CSMD3: variants seen among roughly 807,000 people sequenced by gnomAD.
CSMD3 encodes CUB and Sushi multiple domains 3, also known as CUB and sushi domain-containing protein 3.
A neutral mutation model predicts 435.2 loss-of-function variants in CSMD3; 177 were observed. The observed-to-expected ratio is 0.41, with a 90% CI of 0.36 to 0.46. CSMD3 has a LOEUF of 0.46. Among genes scored for constraint, CSMD3 ranks in the 20% least tolerant of loss-of-function variants. The pLI, the probability that CSMD3 is intolerant of heterozygous loss-of-function variation, is 0.34. For synonymous variants in CSMD3, 1,656 were observed against 1,520.5 expected, an observed-to-expected ratio of 1.09 and a Z score of -2.07; for missense variants, 4,265 against 4,504.6, an observed-to-expected ratio of 0.95 and a Z score of 1.52.
chr8:112,761,041 A>C (rs1308303718), intron 13 of CSMD3, among the ~76,000 whole-genome samples: 1 of 152,178 alleles, frequency 6.6e-6, no homozygotes, highest in African/African-American at 2.4e-5. Context: ...AGACTGATTA[A>C]GAGTTCACTT....
Position 112,449,605 on chromosome 8 carries a change from A to G in CSMD3, c.5395+22986T>C, listed in dbSNP as rs2130582228. Reference sequence around the variant, plus strand: ...ATTCCTTTGAATTTTCTAATGTGCAATCATATCATGTACAACATTTTGCTA... The same window carrying G: ...ATTCCTTTGAATTTTCTAATGTGCAGTCATATCATGTACAACATTTTGCTA... On this transcript the variant is annotated intron_variant, in intron 32 of 70. Coordinates refer to ENST00000297405, the MANE Select transcript of CSMD3 (RefSeq NM_198123.2). Among the ~76,000 whole-genome samples the G allele has an allele frequency of 1.3e-5, 2 of 152,292 alleles. 1 individual carries two copies. Among genetic ancestry groups the G allele is most frequent in the South Asian group, 4.1e-4 (2 of 4,830 alleles).
chr8:112,527,923 C>T (rs1166751123), intron 27 of CSMD3, among the ~76,000 whole-genome samples: 1 of 152,080 alleles, frequency 6.6e-6, no homozygotes, highest in Non-Finnish European at 1.5e-5. Context: ...GCTAAGGGAG[C>T]TGGCATATTA....
intron 11 of CSMD3, among the ~76,000 whole-genome samples, chr8:112,835,710 G>A (rs2080003510): frequency 6.6e-6 from 1 of 151,882 alleles, no homozygotes; most frequent in African/African-American, 2.4e-5. Flanking sequence ...CAGAAACACA[G>A]TTTCAGGGGC....
intron 3 of CSMD3, among the ~76,000 whole-genome samples, chr8:113,275,234 C>T (rs188623193): frequency 6.6e-6 from 1 of 152,176 alleles, no homozygotes; most frequent in Admixed American, 6.6e-5. Flanking sequence ...GATTTAGATA[C>T]ATTAAGTATC....
chr8:113,120,292 TAAC>T (rs941547651), intron 4 of CSMD3, among the ~76,000 whole-genome samples: 3 of 152,120 alleles, frequency 2.0e-5, no homozygotes, highest in Admixed American at 6.6e-5. Flanking sequence ...TTCATTTCAT[TAAC>T]AACTGTAATC....
At chr8:113,066,002 A>C (rs2088837684) in intron 5 of CSMD3, among the ~76,000 whole-genome samples, 1 of 151,444 alleles carries the variant, frequency 6.6e-6, no homozygotes, top group African/African-American at 2.4e-5. Context: ...TGCTTTATAC[A>C]GTGATAAATA....
chr8:112,529,939 T>G (rs977697727), intron 27 of CSMD3, among the ~76,000 whole-genome samples: 1 of 151,666 alleles, frequency 6.6e-6, no homozygotes, highest in Non-Finnish European at 1.5e-5. Context: ...ATGAACAAAA[T>G]GAGAATTCCA....
chr8:113,255,609 T>C (rs1012141478), intron 3 of CSMD3, among the ~76,000 whole-genome samples: 5 of 152,026 alleles, frequency 3.3e-5, no homozygotes, highest in Non-Finnish European at 7.4e-5. Context: ...AGCCTTGAAT[T>C]GTTACTTTAT....
Position 113,337,351 on chromosome 8 carries a change from C to T in CSMD3, c.179-22558G>A, listed in dbSNP as rs76159754. 5.1e-3 allele frequency among the ~76,000 whole-genome samples: 781 copies of T among 152,036 alleles called. 12 individuals carry two copies. The highest frequency in any genetic ancestry group is 0.018 in the African/African-American group (754 of 41,496). ...CATATTCCTGGAAGAGCAAGTCTGG[C>T]CACAGATTTTTAATAAGGGTGACAA... On this transcript the variant is annotated intron_variant, in intron 1 of 70. Transcript: ENST00000297405.
chr8:112,774,192 C>A (rs557504535), intron 13 of CSMD3, among the ~76,000 whole-genome samples: 1 of 152,106 alleles, frequency 6.6e-6, no homozygotes, highest in East Asian at 1.9e-4. Context: ...TCTCCATCTA[C>A]AACCTTGAAA....
intron 3 of CSMD3, among the ~76,000 whole-genome samples, chr8:113,249,442 T>C (rs1351746839): frequency 1.3e-5 from 2 of 151,752 alleles, no homozygotes; most frequent in Non-Finnish European, 1.5e-5. Context: ...AAACAAGTTT[T>C]AGATAGTAGT....
intron 1 of CSMD3, among the ~76,000 whole-genome samples, chr8:113,315,872 C>G (rs2093905987): frequency 6.6e-6 from 1 of 151,748 alleles, no homozygotes; most frequent in Non-Finnish European, 1.5e-5. Context: ...ACATGCACCA[C>G]CACGCCCGGC....
At chr8:113,409,231 T>C (rs1329999907) in intron 1 of CSMD3, among the ~76,000 whole-genome samples, 1 of 151,696 alleles carries the variant, frequency 6.6e-6, no homozygotes, top group South Asian at 2.1e-4. Context: ...TACAGGTGCA[T>C]ACCAGCATGC....
chr8:112,591,910 T>G (rs747938639), intron 22 of CSMD3, among the ~76,000 whole-genome samples: 1 of 152,002 alleles, frequency 6.6e-6, no homozygotes, highest in Non-Finnish European at 1.5e-5. Flanking sequence ...TAGGACACCA[T>G]TGATTATAAA....
intron 1 of CSMD3, among the ~76,000 whole-genome samples, chr8:113,347,185 T>C (rs2094157688): frequency 6.6e-6 from 1 of 152,162 alleles, no homozygotes; most frequent in Non-Finnish European, 1.5e-5. Context: ...TCCACATCAA[T>C]AAAGTAACAG....
At chr8:113,050,917 C>G (rs543674347) in intron 5 of CSMD3, among the ~76,000 whole-genome samples, 1 of 152,028 alleles carries the variant, frequency 6.6e-6, no homozygotes, top group Non-Finnish European at 1.5e-5. Flanking sequence ...TCCCATTTTA[C>G]AGCAATTTAA....
intron 59 of CSMD3, among the ~76,000 whole-genome samples, chr8:112,271,100 A>G (rs1817492225): frequency 6.6e-6 from 1 of 152,146 alleles, no homozygotes; most frequent in South Asian, 2.1e-4. Context: ...ATTATGTACA[A>G]GATTCAACGA....
At chr8:112,539,318 AC>A (rs1183777925) in intron 27 of CSMD3, 1 of 152,278 alleles carries the variant, frequency 6.6e-6, no homozygotes, top group Non-Finnish European at 1.5e-5. Flanking sequence ...TGAAAAGTAA[AC>A]AATGCAAAAT....
intron 38 of CSMD3, among the ~76,000 whole-genome samples, chr8:112,363,386 A>T (rs1827446654): frequency 6.6e-6 from 1 of 152,054 alleles, no homozygotes; most frequent in South Asian, 2.1e-4. Flanking sequence ...TCTGTTTAAG[A>T]TCAAGAGATT....
Sources: gnomAD v4.1 joint callset for allele counts (sites outside exome capture counted in the v4.1 genomes callset) on GRCh38, gnomAD v4.1.1 for gene constraint, MANE v1.5 for transcripts, NCBI Gene and HGNC (gene_info 2026-07-23, HGNC 2026-07-21) for gene names.